The following PDE6D variants were observed in gnomAD, a reference collection of about 807,000 sequenced individuals.
PDE6D encodes the protein retinal rod rhodopsin-sensitive cGMP 3',5'-cyclic phosphodiesterase subunit delta.
Under a neutral mutation model 21.9 loss-of-function variants are expected in PDE6D, and 10 were observed. The ratio of observed to expected loss-of-function variants is 0.46; its 90% CI spans 0.28 to 0.78. The LOEUF is 0.78. Among genes scored for constraint, PDE6D ranks in the 30% least tolerant of loss-of-function variants. The pLI is 0.12. For synonymous variants in PDE6D, 59 were observed against 63.5 expected, an observed-to-expected ratio of 0.93 and a Z score of 0.34; for missense variants, 139 against 184.8, an observed-to-expected ratio of 0.75 and a Z score of 1.44.
chr2:231,736,026 T>C (rs2048697990), intron 4 of PDE6D, among the ~76,000 whole-genome samples: 1 of 120,236 alleles, frequency 8.3e-6, no homozygotes, highest in South Asian at 2.6e-4. Context: ...AGACTCTGTC[T>C]CAAAAAAAAA....
intron 1 of PDE6D, among the ~76,000 whole-genome samples, chr2:231,773,989 A>G (rs550011333): frequency 1.3e-5 from 2 of 152,226 alleles, no homozygotes; most frequent in East Asian, 1.9e-4. Context: ...GCTGGAGTGC[A>G]CTGGCGTGAT....
chr2:231,776,420 T>C (rs1341792213), intron 1 of PDE6D, among the ~76,000 whole-genome samples: 1 of 152,008 alleles, frequency 6.6e-6, no homozygotes, highest in Non-Finnish European at 1.5e-5. Flanking sequence ...GTAAATCTAT[T>C]ATTAAGTGAA....
intron 1 of PDE6D, among the ~76,000 whole-genome samples, chr2:231,764,224 G>A (rs2048953109): frequency 2.0e-5 from 3 of 152,096 alleles, no homozygotes; most frequent in African/African-American, 7.2e-5. Context: ...TTTGATACCA[G>A]CTTGGGCAAT....
intron 1 of PDE6D, among the ~76,000 whole-genome samples, chr2:231,747,847 G>C (rs777372536): frequency 3.3e-5 from 5 of 152,180 alleles, no homozygotes; most frequent in Non-Finnish European, 7.3e-5. Flanking sequence ...CCTCCCTTGA[G>C]AGGTTCTTGG....
intron 1 of PDE6D, among the ~76,000 whole-genome samples, chr2:231,780,365 G>A (rs1478796764): frequency 6.6e-6 from 1 of 152,114 alleles, no homozygotes; most frequent in Non-Finnish European, 1.5e-5. Flanking sequence ...TCATCTTGCT[G>A]GAAAGAAAAC....
intron 1 of PDE6D, among the ~76,000 whole-genome samples, chr2:231,759,588 A>C (rs1260932327): frequency 2.6e-5 from 4 of 152,206 alleles, no homozygotes; most frequent in African/African-American, 9.7e-5. Flanking sequence ...GAGAAGCACT[A>C]TAAAGGGATC....
intron 1 of PDE6D, among the ~76,000 whole-genome samples, chr2:231,747,184 G>T (rs775857115): frequency 3.3e-5 from 5 of 152,092 alleles, no homozygotes; most frequent in African/African-American, 1.2e-4. Context: ...TCCGCCTCCC[G>T]GGTTCAAGCG....
rs1341690650 is a variant in PDE6D, at chr2:231,775,488, T to TG, written c.50+5576_50+5577insC. Among the ~76,000 whole-genome samples the TG allele has an allele frequency of 3.6e-4, 49 of 137,114 alleles. 1 individual carries two copies. In the South Asian group the frequency reaches 4.6e-3, roughly 13 times the overall value. The allele number at this position is 137,114 out of a possible 152,430, so 90.0% of individuals were successfully genotyped here. A position where few individuals can be genotyped will look rare whatever the true frequency, so the allele number is the denominator to read the frequency against. ...CACACCTGGCTAATTTTTGTGTGTG[T>TG]TTTTTTTTTTTTTTTGTAGAGGCGG... On this transcript the variant is annotated intron_variant, in intron 1 of 4. Transcript: ENST00000287600.
At chr2:231,770,371 T>C (rs746603932) in intron 1 of PDE6D, among the ~76,000 whole-genome samples, 1 of 152,226 alleles carries the variant, frequency 6.6e-6, no homozygotes, top group Non-Finnish European at 1.5e-5. Context: ...TTTTTTCCTC[T>C]GGTAACTCTA....
chr2:231,781,174 G>A lies in PDE6D; in HGVS notation c.-60C>T, dbSNP rs1574641873. 1.2e-5 allele frequency: 18 copies of A among 1,551,832 alleles called. No homozygotes were observed. In the East Asian group the frequency reaches 4.1e-4, roughly 35 times the overall value. ...TGGTCGGCGGAGCCTCGCAGACGGT[G>A]CCCAGGAGCCGAGGATGGAGCCGCA... On this transcript the variant is annotated 5_prime_UTR_variant, in exon 1 of 5. Transcript: ENST00000287600.
At chr2:231,737,070 C>T (rs1229360374) in intron 4 of PDE6D, 117 bp downstream of exon 4, 1 of 581,100 alleles carries the variant, frequency 1.7e-6, no homozygotes, top group African/African-American at 1.9e-5. Flanking sequence ...CTTGGATACT[C>T]TTTTACTCTA....
chr2:231,740,157 CTGG>C (rs1263389800), intron 1 of PDE6D, among the ~76,000 whole-genome samples: 1 of 152,038 alleles, frequency 6.6e-6, no homozygotes, highest in Admixed American at 6.6e-5. Context: ...ACTTATGAAG[CTGG>C]TTAACTGATG....
intron 1 of PDE6D, among the ~76,000 whole-genome samples, chr2:231,777,558 CATATT>C (rs1390174771): frequency 6.6e-6 from 1 of 152,088 alleles, no homozygotes; most frequent in African/African-American, 2.4e-5. Flanking sequence ...CTTAAACACA[CATATT>C]ATGTTAGTCA....
chr2:231,765,639 C>T (rs2048965252), intron 1 of PDE6D, among the ~76,000 whole-genome samples: 1 of 152,180 alleles, frequency 6.6e-6, no homozygotes, highest in African/African-American at 2.4e-5. Flanking sequence ...ACCAAGGTCA[C>T]AGGCATAAAG....
chr2:231,738,697 C>T (rs562626512), intron 2 of PDE6D, among the ~76,000 whole-genome samples: 3 of 151,992 alleles, frequency 2.0e-5, no homozygotes, highest in Non-Finnish European at 2.9e-5. Flanking sequence ...GGGCAGATCA[C>T]TTGATGTCCG....
At position 231,759,247 on chromosome 2, in the gene PDE6D, T is replaced by G. The variant is rs562342060; in HGVS notation, c.51-20059A>C. Among the ~76,000 whole-genome samples, 82 of 152,086 alleles carry G rather than the reference T, an allele frequency of 5.4e-4. 1 individual carries two copies. Among genetic ancestry groups the G allele is most frequent in the Middle Eastern group, 6.8e-3 (2 of 294 alleles). ...TGGGAGGATTGCTTTAGCCCAGATG[T>G]CAAGGCTGCAGTGAGCTGTGTTCAT... On this transcript the variant is annotated intron_variant, in intron 1 of 4. Transcript: ENST00000287600.
In PDE6D at chr2:231,737,167, C is replaced by A. The variant is rs761298525; in HGVS notation, c.371+20G>T. The A allele has an allele frequency of 6.8e-7, 1 of 1,462,074 alleles. No homozygotes were observed. The highest frequency in any genetic ancestry group is 1.4e-5 in the African/African-American group (1 of 71,946). The allele number at this position is 1,462,074 out of a possible 1,614,324, so 90.6% of individuals were successfully genotyped here. On this transcript the variant is annotated intron_variant, in intron 4 of 4. Coordinates refer to ENST00000287600, the MANE Select transcript of PDE6D (RefSeq NM_002601.4). ...TGTTTCTAGACACACTTCATAATTT[C>A]CTGAGACCTGCTCACTCACGTTAAG... is the stretch of plus-strand genomic sequence containing the variant.
At position 231,732,675 on chromosome 2, in the gene PDE6D, T is replaced by C. The variant is rs1216317578; in HGVS notation, c.*277A>G. The C allele has an allele frequency of 3.2e-6, 1 of 316,738 alleles. No individual in the cohort carries two copies. The highest frequency in any genetic ancestry group is 5.9e-6 in the Non-Finnish European group (1 of 170,172). 19.6% of individuals were successfully genotyped at this position (316,738 alleles called of 1,614,324 possible). On this transcript the variant is annotated 3_prime_UTR_variant, in exon 5 of 5. Coordinates refer to ENST00000287600, the MANE Select transcript of PDE6D (RefSeq NM_002601.4). Reference sequence around the variant, plus strand: ...CAGTTACCGGTTTGTGGTATGTGTTTGTTCCCTGTGTGTATGCTGGGAAGG... The same window carrying C: ...CAGTTACCGGTTTGTGGTATGTGTTCGTTCCCTGTGTGTATGCTGGGAAGG...
intron 1 of PDE6D, among the ~76,000 whole-genome samples, chr2:231,745,790 CTT>C (rs1409059996): frequency 2.0e-5 from 3 of 152,150 alleles, no homozygotes; most frequent in African/African-American, 7.2e-5. Flanking sequence ...CGCAAATCCT[CTT>C]GTGTCTTACA....
Sources: gnomAD v4.1 joint callset for allele counts (sites outside exome capture counted in the v4.1 genomes callset) on GRCh38, gnomAD v4.1.1 for gene constraint, MANE v1.5 for transcripts, NCBI Gene and HGNC (gene_info 2026-07-23, HGNC 2026-07-21) for gene names.